DLC1: variants seen among roughly 807,000 people sequenced by gnomAD.
DLC1 encodes the protein DLC1 Rho GTPase activating protein.
DLC1 carries 54 observed loss-of-function variants against 140.3 expected under a neutral mutation model. The ratio of observed to expected loss-of-function variants is 0.38; its 90% CI spans 0.31 to 0.48. DLC1 has a LOEUF of 0.48. Ranked by LOEUF, DLC1 falls within the 20% of genes least tolerant of loss-of-function variation. The pLI, the probability that DLC1 is intolerant of heterozygous loss-of-function variation, is 0.96. For missense variants in DLC1, 2,536 were observed against 1,907.0 expected (o/e 1.33, Z -6.14); for synonymous variants, 986 against 728.1 (o/e 1.35, Z -5.70).
chr8:13,178,613 C>A (rs1825876656), intron 5 of DLC1, among the ~76,000 whole-genome samples: 2 of 147,580 alleles, frequency 1.4e-5, no homozygotes, highest in African/African-American at 2.5e-5. Context: ...ATATTAACTT[C>A]TATACATCCA....
chr8:13,548,115 T>C (rs1018322668), intron 1 of DLC1, among the ~76,000 whole-genome samples: 7 of 152,082 alleles, frequency 4.6e-5, no homozygotes, highest in Middle Eastern at 3.2e-3. Flanking sequence ...ATATAGTGCC[T>C]AATGCCGAGA....
At chr8:13,214,416 T>G (rs1175291538) in intron 5 of DLC1, 2 of 470,708 alleles carry the variant, frequency 4.2e-6, no homozygotes, top group Admixed American at 3.8e-5. Flanking sequence ...TTGCTTGGTC[T>G]GAAGGACCTT....
At chr8:13,277,981 T>A (rs1353325959) in intron 5 of DLC1, among the ~76,000 whole-genome samples, 1 of 152,238 alleles carries the variant, frequency 6.6e-6, no homozygotes, top group East Asian at 1.9e-4. Flanking sequence ...CAAAGGATGA[T>A]TATGAAAATA....
intron 5 of DLC1, among the ~76,000 whole-genome samples, chr8:13,177,191 T>C (rs1825802666): frequency 6.6e-6 from 1 of 152,234 alleles, no homozygotes; most frequent in African/African-American, 2.4e-5. Flanking sequence ...CTACTGTCTC[T>C]GAAAGATGAG....
At chr8:13,561,977 G>GA (rs1333053007) in intron 1 of DLC1, among the ~76,000 whole-genome samples, 21 of 151,912 alleles carry the variant, frequency 1.4e-4, no homozygotes, top group Admixed American at 1.3e-3. Context: ...GAAAACACAG[G>GA]AAAAAAATCA....
chr8:13,326,522 A>T (rs1246631161), intron 4 of DLC1, among the ~76,000 whole-genome samples: 1 of 152,192 alleles, frequency 6.6e-6, no homozygotes, highest in Non-Finnish European at 1.5e-5. Flanking sequence ...CCCCAACTGG[A>T]GCCAGCTTAT....
At chr8:13,151,493 G>C (rs574361354) in intron 5 of DLC1, among the ~76,000 whole-genome samples, 1 of 152,278 alleles carries the variant, frequency 6.6e-6, no homozygotes, top group African/African-American at 2.4e-5. Flanking sequence ...CTCTGTGTGT[G>C]CTTAAGTGTA....
chr8:13,504,519 C>G (rs951060754), intron 1 of DLC1, among the ~76,000 whole-genome samples: 18 of 152,182 alleles, frequency 1.2e-4, no homozygotes, highest in African/African-American at 4.3e-4. Flanking sequence ...GAAGGGAACT[C>G]ATGAGGATGC....
intron 1 of DLC1, among the ~76,000 whole-genome samples, chr8:13,581,657 G>A (rs1431912003): frequency 1.3e-5 from 2 of 152,122 alleles, no homozygotes; most frequent in Non-Finnish European, 2.9e-5. Context: ...TCATCACCCT[G>A]TAATCCAGTC....
chr8:13,312,310 G>A (rs1380117465), intron 4 of DLC1, among the ~76,000 whole-genome samples: 6 of 98,724 alleles, frequency 6.1e-5, no homozygotes, highest in African/African-American at 1.6e-4. Flanking sequence ...GCAGTGAGCC[G>A]AGATCGCGCC....
chr8:13,590,844 T>C (rs1805492901), intron 1 of DLC1, among the ~76,000 whole-genome samples: 2 of 152,150 alleles, frequency 1.3e-5, no homozygotes, highest in Admixed American at 1.3e-4. Context: ...TAAAAATGCT[T>C]CATTTACAAC....
At chr8:13,413,804 C>G (rs1837919046) in intron 2 of DLC1, among the ~76,000 whole-genome samples, 1 of 152,050 alleles carries the variant, frequency 6.6e-6, no homozygotes, top group Non-Finnish European at 1.5e-5. Flanking sequence ...CTGAGGCCTC[C>G]CAGCCATGCG....
intron 6 of DLC1, among the ~76,000 whole-genome samples, chr8:13,113,788 G>A (rs1434069791): frequency 1.3e-5 from 2 of 152,270 alleles, no homozygotes; most frequent in East Asian, 3.9e-4. Context: ...AAATAAGCAT[G>A]CAAGTTAATC....
intron 2 of DLC1, among the ~76,000 whole-genome samples, chr8:13,417,275 T>G (rs929216535): frequency 2.0e-5 from 3 of 151,954 alleles, no homozygotes; most frequent in African/African-American, 7.3e-5. Flanking sequence ...TAGTTACATA[T>G]GTATACATGT....
At chr8:13,237,940 A>C (rs946270887) in intron 5 of DLC1, among the ~76,000 whole-genome samples, 4 of 152,068 alleles carry the variant, frequency 2.6e-5, no homozygotes, top group African/African-American at 9.7e-5. Flanking sequence ...GAGCAAGAGC[A>C]AGAAAGAAAG....
intron 2 of DLC1, among the ~76,000 whole-genome samples, chr8:13,474,461 G>A (rs948629085): frequency 1.3e-5 from 2 of 152,170 alleles, no homozygotes; most frequent in African/African-American, 4.8e-5. Flanking sequence ...CCCAAGTAGA[G>A]TCCCTACTGG....
Position 13,189,856 on chromosome 8 carries a change from T to C in DLC1, c.1349-74199A>G, listed in dbSNP as rs189934572. 8.8e-3 allele frequency among the ~76,000 whole-genome samples: 1,320 copies of C among 150,338 alleles called. 14 individuals are homozygous for C. The highest frequency in any genetic ancestry group is 0.015 in the Admixed American group (219 of 14,980). On this transcript the variant is annotated intron_variant, in intron 5 of 17. Transcript: ENST00000276297. ...AAGATCGCGCCATTGCACTCCAGCT[T>C]GGGCAACAAGAGCGAAACTCCATCC...
chr8:13,195,602 T>C (rs75753071), intron 5 of DLC1, among the ~76,000 whole-genome samples: 3 of 152,358 alleles, frequency 2.0e-5, no homozygotes, highest in African/African-American at 7.2e-5. Context: ...GAAGGAGAAC[T>C]AAATTTGTTT....
chr8:13,277,832 C>T (rs551174539), intron 5 of DLC1, among the ~76,000 whole-genome samples: 2 of 152,208 alleles, frequency 1.3e-5, no homozygotes, highest in African/African-American at 4.8e-5. Flanking sequence ...TTGTAAATTT[C>T]AAGAAGCCAT....
Sources: gnomAD v4.1 joint callset for allele counts (sites outside exome capture counted in the v4.1 genomes callset) on GRCh38, gnomAD v4.1.1 for gene constraint, MANE v1.5 for transcripts, NCBI Gene and HGNC (gene_info 2026-07-23, HGNC 2026-07-21) for gene names.